PIK3C2G: variants seen among roughly 807,000 people sequenced by gnomAD.
PIK3C2G encodes the protein phosphatidylinositol 3-kinase C2 domain-containing subunit gamma.
Under a neutral mutation model 181.1 loss-of-function variants are expected in PIK3C2G, and 168 were observed. That is an observed-to-expected ratio of 0.93 (90% confidence interval 0.82 to 1.05). The LOEUF is 1.05. Ranked by LOEUF, PIK3C2G falls within the 50% of genes least tolerant of loss-of-function variation. The pLI is 0.00. For synonymous variants in PIK3C2G, 573 were observed against 592.2 expected, an observed-to-expected ratio of 0.97 and a Z score of 0.47; for missense variants, 1,869 against 1,732.8, an observed-to-expected ratio of 1.08 and a Z score of -1.40.
the PIK3C2G span, among the ~76,000 whole-genome samples, chr12:18,687,429 TGA>T: frequency 6.6e-6 from 1 of 152,162 alleles, no homozygotes; most frequent in African/African-American, 2.4e-5. Flanking sequence ...AAGGTGATCC[TGA>T]CCAGGGATCA....
chr12:18,670,558 A>C, the PIK3C2G span, among the ~76,000 whole-genome samples: 1 of 152,324 alleles, frequency 6.6e-6, no homozygotes, highest in African/African-American at 2.4e-5. Flanking sequence ...CCAGGGATTG[A>C]TATGAGGGTT....
chr12:18,563,467 C>G lies in PIK3C2G; in HGVS notation c.3871C>G (p.Gln1291Glu). The change falls in exon 28 of 33, where the codon CAG becomes GAG. Residue 1291 changes from glutamine (Q) to glutamate (E), a missense_variant. Transcript: ENST00000538779. ...GTTTTCAAAACTTCACAGCCAACTT[C>G]AGAAGCAGTTTGCATCACTGACTCT... is the stretch of plus-strand genomic sequence containing the variant. ...EQFSKLHSQLQKQFASLTLPE... is the reference protein window; with the variant it reads ...EQFSKLHSQLEKQFASLTLPE... 6.2e-7 allele frequency: 1 copy of G among 1,613,818 alleles called. No individual in the cohort carries two copies.
intron 7 of PIK3C2G, among the ~76,000 whole-genome samples, chr12:18,324,532 C>T (rs1951249385): frequency 6.6e-6 from 1 of 152,140 alleles, no homozygotes; most frequent in Non-Finnish European, 1.5e-5. Flanking sequence ...GCTCAAATTG[C>T]ATGTCTTCTC....
chr12:18,436,224 A>G (rs1047513098), intron 18 of PIK3C2G, among the ~76,000 whole-genome samples: 4 of 152,062 alleles, frequency 2.6e-5, no homozygotes, highest in Admixed American at 1.3e-4. Flanking sequence ...ACATGATTCC[A>G]TGCAGCAAGA....
In PIK3C2G at chr12:18,362,811, A is replaced by G; in HGVS notation, c.1673A>G (p.Lys558Arg). 2.0e-6 allele frequency: 3 copies of G among 1,524,276 alleles called. No homozygotes were observed. Among genetic ancestry groups the G allele is most frequent in the Non-Finnish European group, 2.6e-6 (3 of 1,141,514 alleles). The allele number at this position is 1,524,276 out of a possible 1,614,324, so 94.4% of individuals were successfully genotyped here. A position where few individuals can be genotyped will look rare whatever the true frequency, so the allele number is the denominator to read the frequency against. Residue 558 changes from lysine to arginine, a missense_variant, in exon 12 of 33, where the codon AAG becomes AGG. Physicochemically the swap from Lys to Arg is conservative, Grantham distance 26. Coordinates refer to ENST00000538779, the MANE Select transcript of PIK3C2G (RefSeq NM_001288772.2). ...FTCWLTYAGK[K>R]LCQVRNYRNI... is the part of the protein sequence containing the mutation. ...TGTTGGCTTACATATGCTGGAAAGA[A>G]GCTGTGCCAAGTGAGAAACTACAGA...
intron 20 of PIK3C2G, among the ~76,000 whole-genome samples, chr12:18,495,001 T>C (rs906676646): frequency 6.6e-6 from 1 of 152,046 alleles, no homozygotes; most frequent in Non-Finnish European, 1.5e-5. Flanking sequence ...TCTCTTAAAC[T>C]CTTGCTTATG....
intron 11 of PIK3C2G, among the ~76,000 whole-genome samples, chr12:18,356,750 T>C (rs1309519634): frequency 6.6e-6 from 1 of 151,986 alleles, no homozygotes; most frequent in African/African-American, 2.4e-5. Context: ...TTCTGAAAGA[T>C]CCTGCTGTCA....
At chr12:18,421,148 A>G in intron 17 of PIK3C2G, 114 bp downstream of exon 17, 1 of 526,210 alleles carries the variant, frequency 1.9e-6, no homozygotes, top group Admixed American at 3.4e-5. Flanking sequence ...TTGGCCACCC[A>G]AGGGACTAAA....
At chr12:18,336,755 C>G (rs946317939) in intron 8 of PIK3C2G, among the ~76,000 whole-genome samples, 4 of 152,026 alleles carry the variant, frequency 2.6e-5, no homozygotes, top group African/African-American at 9.7e-5. Flanking sequence ...TTACTTTTAG[C>G]TCATTAATAA....
At chr12:18,487,604 T>C (rs1280748691) in intron 18 of PIK3C2G, among the ~76,000 whole-genome samples, 1 of 152,134 alleles carries the variant, frequency 6.6e-6, no homozygotes, top group African/African-American at 2.4e-5. Context: ...AAGGGTATAA[T>C]AGAAAGTAAA....
At chr12:18,247,845 T>A (rs1377975079) in exon 1 of PIK3C2G, 1 of 152,204 alleles carries the variant, frequency 6.6e-6, no homozygotes, top group Non-Finnish European at 1.5e-5. Flanking sequence ...TACAGGCTGC[T>A]CTTTGTTAGA....
At chr12:18,502,302 G>T (rs1941544772) in intron 22 of PIK3C2G, among the ~76,000 whole-genome samples, 1 of 152,118 alleles carries the variant, frequency 6.6e-6, no homozygotes, top group South Asian at 2.1e-4. Flanking sequence ...CTTTAATGTT[G>T]TTTAATTTGA....
chr12:18,553,542 C>T (rs935447062), intron 26 of PIK3C2G, among the ~76,000 whole-genome samples: 8 of 152,024 alleles, frequency 5.3e-5, no homozygotes, highest in East Asian at 1.9e-4. Context: ...ATGACATTTA[C>T]GTAAGACTAG....
At chr12:18,516,366 C>A (rs542629180) in intron 24 of PIK3C2G, among the ~76,000 whole-genome samples, 1 of 151,584 alleles carries the variant, frequency 6.6e-6, no homozygotes, top group African/African-American at 2.4e-5. Context: ...TGAGTCTCGG[C>A]TAAAAATACG....
At chr12:18,684,026 A>G in the PIK3C2G span, 14 of 1,337,776 alleles carry the variant, frequency 1.0e-5, no homozygotes, top group Admixed American at 2.6e-4. Context: ...TTTCCTTTAC[A>G]TCCTACTTTA....
chr12:18,489,937 G>T (rs1373576915), intron 19 of PIK3C2G, among the ~76,000 whole-genome samples: 1 of 152,082 alleles, frequency 6.6e-6, no homozygotes, highest in Non-Finnish European at 1.5e-5. Flanking sequence ...CTTGCCTTGA[G>T]TGGCTGCTTT....
chr12:18,469,193 T>C (rs892913381), intron 18 of PIK3C2G, among the ~76,000 whole-genome samples: 1 of 152,090 alleles, frequency 6.6e-6, no homozygotes, highest in Admixed American at 6.6e-5. Flanking sequence ...GACTGGCAGC[T>C]CCTCTGTCAC....
At chr12:18,526,077 T>G (rs1943216052) in intron 24 of PIK3C2G, among the ~76,000 whole-genome samples, 2 of 152,204 alleles carry the variant, frequency 1.3e-5, no homozygotes, top group African/African-American at 4.8e-5. Context: ...AAAGTTAATT[T>G]AATTTCTAAT....
At chr12:18,575,945 C>A (rs1946212668) in intron 29 of PIK3C2G, among the ~76,000 whole-genome samples, 2 of 152,068 alleles carry the variant, frequency 1.3e-5, no homozygotes, top group East Asian at 3.9e-4. Flanking sequence ...TATTGAAAAC[C>A]TAAGGGACTG....
Sources: gnomAD v4.1 joint callset for allele counts (sites outside exome capture counted in the v4.1 genomes callset) on GRCh38, gnomAD v4.1.1 for gene constraint, MANE v1.5 for transcripts, NCBI Gene and HGNC (gene_info 2026-07-23, HGNC 2026-07-21) for gene names.